SP140: variants seen among roughly 807,000 people sequenced by gnomAD.
SP140 encodes SP140 nuclear body protein.
SP140 carries 81 observed loss-of-function variants against 125.0 expected under a neutral mutation model. The observed-to-expected ratio is 0.65, with a 90% CI of 0.54 to 0.78. SP140 has a LOEUF of 0.78. Among genes scored for constraint, SP140 ranks in the 30% least tolerant of loss-of-function variants. The pLI is 0.00. For missense variants in SP140, 858 were observed against 1,037.0 expected (o/e 0.83, Z 2.37); for synonymous variants, 312 against 354.0 (o/e 0.88, Z 1.33).
intron 1 of SP140, among the ~76,000 whole-genome samples, chr2:230,233,926 T>C (rs1399616070): frequency 6.6e-6 from 1 of 152,210 alleles, no homozygotes; most frequent in Non-Finnish European, 1.5e-5. Flanking sequence ...GTGAAGAGTT[T>C]TACTTGGTGA....
chr2:230,309,903 G>A (rs779054291), intron 22 of SP140, 21 bp from the exon 23 acceptor site: 1 of 1,612,276 alleles, frequency 6.2e-7, no homozygotes, highest in African/African-American at 1.3e-5. Flanking sequence ...CCAGTGACGT[G>A]GACACTGTTT....
rs776093393 is a variant in SP140, at chr2:230,237,155, G to C, written c.132G>C (p.Arg44Ser). The change falls in exon 2 of 27, where the codon AGG (arginine) becomes AGC (serine). Residue 44 changes from arginine to serine, a missense_variant. Arg to Ser is a moderately radical substitution (Grantham distance 110). Transcript: ENST00000392045. The surrounding 1 kb of genome is among the most constrained non-coding windows in gnomAD (Gnocchi z 5.4). ...QEQVCPEPIF[R>S]FFRENKVEIA... The stretch of plus-strand genomic sequence containing the variant: ...AGGTTTGCCCTGAGCCCATTTTCAG[G>C]TTCTTCAGAGAAAACAAGGTGGAGA... 2 of 1,613,630 alleles carry C rather than the reference G, an allele frequency of 1.2e-6. No homozygotes were observed. The highest frequency in any genetic ancestry group is 1.7e-5 in the Admixed American group (1 of 59,928).
intron 17 of SP140, among the ~76,000 whole-genome samples, chr2:230,286,726 G>A (rs1259117135): frequency 6.6e-6 from 1 of 152,160 alleles, no homozygotes; most frequent in Non-Finnish European, 1.5e-5. Flanking sequence ...GGTTACATAT[G>A]TGGCCTGGTG....
At chr2:230,315,913 A>G (rs2059480822), downstream of SP140, among the ~76,000 whole-genome samples, 1 of 152,226 alleles carries the variant, frequency 6.6e-6, no homozygotes, top group Non-Finnish European at 1.5e-5. Context: ...TATCTTTATT[A>G]TAATGGGTTA....
chr2:230,242,837 C>T (rs1196732538), intron 4 of SP140, among the ~76,000 whole-genome samples: 2 of 152,130 alleles, frequency 1.3e-5, no homozygotes, highest in Non-Finnish European at 2.9e-5. Context: ...AAGACCAGGT[C>T]TCTGGTCCAG....
intron 15 of SP140, among the ~76,000 whole-genome samples, chr2:230,280,252 A>G (rs1253292644): frequency 2.0e-5 from 3 of 152,308 alleles, no homozygotes; most frequent in Non-Finnish European, 4.4e-5. Flanking sequence ...TTTTATCATT[A>G]TACAGCATTC....
At chr2:230,251,156 C>G in intron 10 of SP140, 95 bp downstream of exon 10, 1 of 994,994 alleles carries the variant, frequency 1.0e-6, no homozygotes, top group Non-Finnish European at 1.5e-6. Flanking sequence ...TCCAAGTATA[C>G]TTCACAGTGA....
chr2:230,287,751 A>T lies in SP140; in HGVS notation c.1646-141A>T, dbSNP rs2056573039. ...TAGCTATCTAATTCTTCATACCTTA[A>T]AGGCTAGGGTTTAAATCTTTTTATT... On this transcript the variant is annotated intron_variant, in intron 17 of 26. Transcript: ENST00000392045. The T allele has an allele frequency of 2.9e-5, 18 of 614,848 alleles. No individual in the cohort carries two copies. The South Asian group carries it at 5.7e-4, about 19-fold the overall frequency. 38.1% of individuals were successfully genotyped at this position (614,848 alleles called of 1,614,324 possible). A position where few individuals can be genotyped will look rare whatever the true frequency, so the allele number is the denominator to read the frequency against.
At chr2:230,290,372 C>T (rs1331950783) in intron 18 of SP140, 88 bp from the exon 19 acceptor site, 8 of 1,166,918 alleles carry the variant, frequency 6.9e-6, no homozygotes, top group Non-Finnish European at 8.7e-6. Context: ...TCCTAAGTAT[C>T]CCTCGTGTCT....
At chr2:230,300,656 T>C (rs2149543934) in intron 22 of SP140, among the ~76,000 whole-genome samples, 1 of 152,266 alleles carries the variant, frequency 6.6e-6, no homozygotes, top group East Asian at 1.9e-4. Flanking sequence ...GAACAGCAGC[T>C]CTTGAGTTTC....
Position 230,211,303 on chromosome 2 carries a change from C to T in SP140, c.-322-2351C>T, listed in dbSNP as rs769223536. On this transcript the variant is annotated intron_variant, in intron 1 of 4. Transcript: ENST00000456542. The surrounding 1 kb of genome is among the most constrained non-coding windows in gnomAD (Gnocchi z 4.2). ...AGGGACTCTGTATCCATTCAGAGGT[C>T]GGGTCTCCTGCCTGTTCAAGCTCCC... 2.0e-5 allele frequency among the ~76,000 whole-genome samples: 3 copies of T among 152,124 alleles called. No individual in the cohort carries two copies. The highest frequency in any genetic ancestry group is 4.8e-5 in the African/African-American group (2 of 41,418).
At chr2:230,250,449 C>CT (rs2050188740) in intron 9 of SP140, among the ~76,000 whole-genome samples, 1 of 152,158 alleles carries the variant, frequency 6.6e-6, no homozygotes. Flanking sequence ...CACATTTCCC[C>CT]TGTACTCTGT....
At chr2:230,193,423 C>T in the SP140 span, among the ~76,000 whole-genome samples, 1 of 152,062 alleles carries the variant, frequency 6.6e-6, no homozygotes, top group Non-Finnish European at 1.5e-5. Flanking sequence ...ACGTTGTTTT[C>T]TTCATTGTGT....
chr2:230,200,469 A>G (rs894055535), upstream of SP140: 4 of 190,624 alleles, frequency 2.1e-5, no homozygotes, highest in African/African-American at 9.6e-5. Context: ...GAAAGGCCAC[A>G]TGAGAAATAT....
Position 230,255,549 on chromosome 2 carries a change from G to C in SP140, c.1240+17G>C, listed in dbSNP as rs200013241. ...GTGGGTCAGGTAAGGACGGGGGGGG[G>C]GATTTCTGGCCCTGGGCTGCAGAGT... On this transcript the variant is annotated intron_variant, in intron 12 of 26. Transcript: ENST00000392045. 44 of 1,597,282 alleles carry C rather than the reference G, an allele frequency of 2.8e-5. No homozygotes were observed. The highest frequency in any genetic ancestry group is 1.7e-4 in the South Asian group (15 of 89,902).
intron 3 of SP140, among the ~76,000 whole-genome samples, chr2:230,239,729 A>G (rs2048455721): frequency 6.6e-6 from 1 of 152,234 alleles, no homozygotes; most frequent in Non-Finnish European, 1.5e-5. Flanking sequence ...GATTACAGAC[A>G]TGAGCCACCA....
chr2:230,212,722 C>G, intron 1 of SP140: 4 of 1,612,674 alleles, frequency 2.5e-6, no homozygotes, highest in Non-Finnish European at 3.4e-6. Context: ...GCACCTTAGG[C>G]TGAGGATATA....
intron 3 of SP140, chr2:230,214,206 T>C (rs1269589464): frequency 6.6e-6 from 1 of 152,320 alleles, no homozygotes; most frequent in East Asian, 1.9e-4. Context: ...ATTTATCCAG[T>C]CTCTTTTCTT....
chr2:230,283,490 G>A (rs570867838), intron 15 of SP140, among the ~76,000 whole-genome samples: 32 of 152,154 alleles, frequency 2.1e-4, no homozygotes, highest in Non-Finnish European at 3.7e-4. Context: ...AAAGAATGAG[G>A]CATCATCCCT....
Sources: gnomAD v4.1 joint callset for allele counts (sites outside exome capture counted in the v4.1 genomes callset) on GRCh38, gnomAD v4.1.1 for gene constraint, Gnocchi (gnomAD v3.1) non-coding constraint, MANE v1.5 for transcripts, NCBI Gene and HGNC (gene_info 2026-07-23, HGNC 2026-07-21) for gene names.